The following DENND5B variants were observed in gnomAD, a reference collection of about 807,000 sequenced individuals.
DENND5B encodes the protein DENN domain containing 5B.
A neutral mutation model predicts 140.6 loss-of-function variants in DENND5B; 34 were observed. The ratio of observed to expected loss-of-function variants is 0.24; its 90% confidence interval spans 0.18 to 0.32. The LOEUF (loss-of-function observed/expected upper bound fraction) is 0.32. Ranked by LOEUF, DENND5B falls within the 10% of genes least tolerant of loss-of-function variation. The pLI is 1.00. For synonymous variants in DENND5B, 551 were observed against 562.1 expected, an observed-to-expected ratio of 0.98 and a Z score of 0.28; for missense variants, 1,142 against 1,560.2, an observed-to-expected ratio of 0.73 and a Z score of 4.52.
intron 3 of DENND5B, among the ~76,000 whole-genome samples, chr12:31,475,529 C>T (rs1219792064): frequency 1.3e-5 from 2 of 152,164 alleles, no homozygotes; most frequent in Non-Finnish European, 2.9e-5. Flanking sequence ...AGGACGATCG[C>T]TTGAGCCCAG....
At chr12:31,500,618 T>G in intron 1 of DENND5B, 1 of 233,590 alleles carries the variant, frequency 4.3e-6, no homozygotes. Flanking sequence ...AGGTGGAGGT[T>G]GTAGTGATCT....
At position 31,386,450 on chromosome 12, in the gene DENND5B, C is replaced by T. The variant is rs1237263749; in HGVS notation, c.*1153G>A. 1.3e-5 allele frequency: 2 copies of T among 152,346 alleles called. No homozygotes were observed. Among genetic ancestry groups the T allele is most frequent in the African/African-American group, 2.4e-5 (1 of 41,436 alleles). The allele number at this position is 152,346 out of a possible 1,614,324, so 9.4% of individuals were successfully genotyped here. On this transcript the variant is annotated 3_prime_UTR_variant, in exon 21 of 21. Transcript: ENST00000389082. ...CCAGTGGCTTTTAGCTTCTCTGGGTCAGTTGTTTTACATTATTACTCCCCT... is the reference window on the plus strand; with the variant it reads ...CCAGTGGCTTTTAGCTTCTCTGGGTTAGTTGTTTTACATTATTACTCCCCT...
intron 13 of DENND5B, among the ~76,000 whole-genome samples, chr12:31,412,586 T>C (rs1942518624): frequency 6.6e-6 from 1 of 152,166 alleles, no homozygotes; most frequent in Non-Finnish European, 1.5e-5. Flanking sequence ...TAGGCGGTAA[T>C]GCTTGCTTGC....
chr12:31,540,246 T>C (rs1457714748), intron 1 of DENND5B, among the ~76,000 whole-genome samples: 2 of 152,184 alleles, frequency 1.3e-5, no homozygotes, highest in Non-Finnish European at 2.9e-5. Flanking sequence ...AGACATTCCA[T>C]ATTCATGGGT....
intron 8 of DENND5B, among the ~76,000 whole-genome samples, chr12:31,427,840 G>A (rs931513224): frequency 5.3e-5 from 8 of 152,058 alleles, no homozygotes; most frequent in African/African-American, 1.4e-4. Flanking sequence ...ATCTTCAGAG[G>A]AGAGCTTGAT....
chr12:31,526,745 T>C (rs962693812), intron 1 of DENND5B, among the ~76,000 whole-genome samples: 39 of 152,284 alleles, frequency 2.6e-4, no homozygotes, highest in African/African-American at 8.9e-4. Context: ...CCAATGTTAA[T>C]TTCTTAGTTT....
chr12:31,531,037 T>C (rs954882397), intron 1 of DENND5B, among the ~76,000 whole-genome samples: 1 of 152,258 alleles, frequency 6.6e-6, no homozygotes, highest in African/African-American at 2.4e-5. Context: ...CAGTTCATTA[T>C]GCAGTGTTCA....
intron 1 of DENND5B, among the ~76,000 whole-genome samples, chr12:31,507,220 C>G (rs56249849): frequency 0.11 from 16,969 of 151,850 alleles, 1,131 homozygotes; most frequent in East Asian, 0.25. Flanking sequence ...AGCAGTAGTG[C>G]GATCATAGCT....
At chr12:31,583,260 C>T (rs1950267668) in intron 1 of DENND5B, among the ~76,000 whole-genome samples, 1 of 150,000 alleles carries the variant, frequency 6.7e-6, no homozygotes. Flanking sequence ...CCACTGCGCT[C>T]CAGCCTGGGC....
intron 18 of DENND5B, 32 bp downstream of exon 18, chr12:31,392,582 C>T: frequency 6.5e-7 from 1 of 1,543,224 alleles, no homozygotes; most frequent in Non-Finnish European, 8.7e-7. Context: ...TTTAAAAGTC[C>T]CACTATACTA....
chr12:31,458,170 T>A (rs577152613), intron 4 of DENND5B, among the ~76,000 whole-genome samples: 6 of 152,220 alleles, frequency 3.9e-5, no homozygotes, highest in Non-Finnish European at 8.8e-5. Context: ...TCCTTAAATT[T>A]GTTTATCTTT....
At chr12:31,490,260 G>A (rs1174451531) in intron 2 of DENND5B, among the ~76,000 whole-genome samples, 1 of 151,528 alleles carries the variant, frequency 6.6e-6, no homozygotes, top group Non-Finnish European at 1.5e-5. Context: ...GGTGGCGGGG[G>A]CAAAAGGGTC....
In DENND5B at chr12:31,432,933, G is replaced by T; in HGVS notation, c.2106+222C>A. 1 of 479,648 alleles carries T rather than the reference G, an allele frequency of 2.1e-6. No homozygotes were observed. The highest frequency in any genetic ancestry group is 3.7e-6 in the Non-Finnish European group (1 of 272,450). The allele number at this position is 479,648 out of a possible 1,614,324, so 29.7% of individuals were successfully genotyped here. ...CTTTACTTGATGTAATACACAGAAAGACTTGTTTTAGAGCCTTATTATAGA... is the reference window on the plus strand; with the variant it reads ...CTTTACTTGATGTAATACACAGAAATACTTGTTTTAGAGCCTTATTATAGA... On this transcript the variant is annotated intron_variant, in intron 8 of 20. Transcript: ENST00000389082.
intron 1 of DENND5B, among the ~76,000 whole-genome samples, chr12:31,589,373 CTATTA>C (rs1950520175): frequency 6.6e-6 from 1 of 152,050 alleles, no homozygotes; most frequent in Admixed American, 6.5e-5. Flanking sequence ...ACTTGGTATT[CTATTA>C]TCTCTCCAAA....
chr12:31,417,995 C>T (rs770273019), intron 11 of DENND5B, among the ~76,000 whole-genome samples: 2 of 152,098 alleles, frequency 1.3e-5, no homozygotes, highest in African/African-American at 2.4e-5. Context: ...TTGGTGTATT[C>T]GGATCCCTAT....
rs1209429939 is a variant in DENND5B at position 31,590,692 on chromosome 12, A to G, written c.127+14T>C. ...CCCTGAGGGGGCTCAGCGCCGCCGC[A>G]GCCCTGGCCTTACCCGCCAGCTCGT... On this transcript the variant is annotated intron_variant, in intron 1 of 20. Coordinates refer to ENST00000389082, the MANE Select transcript of DENND5B (RefSeq NM_144973.4). 3 of 1,464,438 alleles carry G rather than the reference A, an allele frequency of 2.0e-6. No individual in the cohort carries two copies. Among genetic ancestry groups the G allele is most frequent in the South Asian group, 1.3e-5 (1 of 78,194 alleles). 90.7% of individuals were successfully genotyped at this position (1,464,438 alleles called of 1,614,324 possible).
rs1442236654 is a variant in DENND5B, at chr12:31,460,378, T to C, written c.908A>G (p.Tyr303Cys). Residue 303 changes from tyrosine to cysteine, a missense_variant, in exon 4 of 21, where the codon TAT (tyrosine) becomes TGT (cysteine). This residue lies in a region of DENND5B where 708 missense variants were observed against 905.5 expected (regional missense o/e 0.78). Transcript: ENST00000389082. ...EMQILLYSQD[Y>C]QRLMTVAEGI... ...TTCTGCCACAGTCATCAGGCGTTGA[T>C]AATCTGCACAGAACAAGGAAAAAGG... 5 of 1,613,676 alleles carry C rather than the reference T, an allele frequency of 3.1e-6. No homozygotes were observed. Among genetic ancestry groups the C allele is most frequent in the Middle Eastern group, 1.7e-4 (1 of 6,060 alleles).
chr12:31,523,060 C>CTT (rs35765933), intron 1 of DENND5B, among the ~76,000 whole-genome samples: 71 of 139,438 alleles, frequency 5.1e-4, no homozygotes, highest in African/African-American at 5.8e-4. Context: ...TTTTTTTTTC[C>CTT]TTTTTTTTTT....
At chr12:31,516,268 G>A (rs1150947) in intron 1 of DENND5B, among the ~76,000 whole-genome samples, 11,692 of 151,926 alleles carry the variant, frequency 0.077, 1,040 homozygotes, top group African/African-American at 0.22. Context: ...TTGAGCCCAC[G>A]AGTTTGAGAC....
Sources: gnomAD v4.1 joint callset for allele counts (sites outside exome capture counted in the v4.1 genomes callset) on GRCh38, gnomAD v4.1.1 for gene constraint, gnomAD v4.1.1 regional missense constraint, MANE v1.5 for transcripts, NCBI Gene and HGNC (gene_info 2026-07-23, HGNC 2026-07-21) for gene names.